The following MUC7 variants were observed in gnomAD, a reference collection of about 807,000 sequenced individuals.
MUC7 encodes mucin-7.
A neutral mutation model predicts 2.5 loss-of-function variants in MUC7; 2 were observed. That is an observed-to-expected ratio of 0.81 (90% CI 0.33 to 2.55). The LOEUF (loss-of-function observed/expected upper bound fraction) is 2.55. Ranked by LOEUF, MUC7 falls within the 30% of genes most tolerant of loss-of-function variation. The pLI is 0.11. For synonymous variants in MUC7, 133 were observed against 173.4 expected, an observed-to-expected ratio of 0.77 and a Z score of 1.83; for missense variants, 408 against 455.6, an observed-to-expected ratio of 0.90 and a Z score of 0.95.
In MUC7 at chr4:70,481,915, G is replaced by C; in HGVS notation, c.*37G>C. 1.3e-6 allele frequency: 2 copies of C among 1,589,356 alleles called. No homozygotes were observed. The highest frequency in any genetic ancestry group is 1.7e-6 in the Non-Finnish European group (2 of 1,167,938). ...TTGTAAAGTGTTCTGTCATTTACAA[G>C]ATGTGATTCATGAGTGCAGAACTAC... is the stretch of plus-strand genomic sequence containing the variant. On this transcript the variant is annotated 3_prime_UTR_variant, in exon 3 of 3. Transcript: ENST00000304887.
intron 1 of MUC7, among the ~76,000 whole-genome samples, chr4:70,440,829 G>A (rs1483543058): frequency 2.6e-5 from 4 of 151,942 alleles, no homozygotes; most frequent in African/African-American, 7.3e-5. Flanking sequence ...TGGATGAGAA[G>A]AAGGAAAATT....
At chr4:70,479,547 T>G (rs1735108318) in intron 2 of MUC7, among the ~76,000 whole-genome samples, 1 of 152,222 alleles carries the variant, frequency 6.6e-6, no homozygotes, top group South Asian at 2.1e-4. Context: ...TATCCTTGTT[T>G]GGGATGTTCT....
At position 70,460,681 on chromosome 4, in the gene MUC7, C is replaced by T. The variant is rs141543871; in HGVS notation, c.-92-11534C>T. 2.4e-3 allele frequency among the ~76,000 whole-genome samples: 363 copies of T among 152,108 alleles called. 1 individual carries two copies. The highest frequency in any genetic ancestry group is 8.4e-3 in the African/African-American group (347 of 41,484). ...CATCTTGCTTCCAGGGAGTAGTACTCCCGGTAGGATAGAGTACTGAGGACC... is the reference window on the plus strand; with the variant it reads ...CATCTTGCTTCCAGGGAGTAGTACTTCCGGTAGGATAGAGTACTGAGGACC... On this transcript the variant is annotated intron_variant, in intron 1 of 3. Transcript: ENST00000413702.
intron 1 of MUC7, among the ~76,000 whole-genome samples, chr4:70,450,811 G>A (rs929876241): frequency 6.6e-6 from 1 of 152,252 alleles, no homozygotes. Context: ...TGGCTGAACT[G>A]GGTGCCTAGA....
At chr4:70,449,327 AG>A (rs1010512132) in intron 1 of MUC7, among the ~76,000 whole-genome samples, 3 of 152,182 alleles carry the variant, frequency 2.0e-5, no homozygotes, top group African/African-American at 7.2e-5. Context: ...GGAAAGCAAA[AG>A]GCATGTCTTA....
intron 1 of MUC7, among the ~76,000 whole-genome samples, chr4:70,465,821 T>A (rs1418733191): frequency 6.6e-6 from 1 of 152,172 alleles, no homozygotes; most frequent in Non-Finnish European, 1.5e-5. Context: ...TGAAAAATAC[T>A]TTTCAAGATA....
At chr4:70,447,809 G>T (rs1734182574) in intron 1 of MUC7, among the ~76,000 whole-genome samples, 1 of 152,094 alleles carries the variant, frequency 6.6e-6, no homozygotes, top group Admixed American at 6.6e-5. Flanking sequence ...TACTCTTTCA[G>T]TTATTTTTAA....
In MUC7 at chr4:70,481,548, C is replaced by G. The variant is rs1377905808; in HGVS notation, c.804C>G (p.Thr268=). ...TAVPPTPSAT[T]LDPSSASAPP... ...TCCCACCCACACCTTCTGCAACTAC[C>G]CTAGACCCATCATCCGCCTCAGCTC... The change falls in exon 3 of 3, where the codon ACC becomes ACG. Residue 268 remains threonine, a synonymous_variant. Transcript: ENST00000304887. 2.5e-6 allele frequency: 4 copies of G among 1,573,376 alleles called. No individual in the cohort carries two copies. The African/African-American group carries it at 6.0e-5, about 24-fold the overall frequency.
chr4:70,462,193 C>T lies in MUC7; in HGVS notation c.-92-10022C>T, dbSNP rs1319238098. ...TGCCAGTTCACTCCAGTCTGGATGA[C>T]ACACTAAAATCCTGTCTTAAAAAAA... On this transcript the variant is annotated intron_variant, in intron 1 of 3. Coordinates refer to the MUC7 transcript ENST00000413702. Among the ~76,000 whole-genome samples, 10 of 145,448 alleles carry T rather than the reference C, an allele frequency of 6.9e-5. No homozygotes were observed. The Admixed American group carries it at 7.1e-4, about 10-fold the overall frequency.
intron 1 of MUC7, among the ~76,000 whole-genome samples, 197 bp from the exon 2 acceptor site, chr4:70,473,809 CT>C (rs1156524758): frequency 7.9e-5 from 12 of 152,184 alleles, no homozygotes; most frequent in Admixed American, 6.5e-4. Context: ...TCCTCCATTG[CT>C]TCCTCTCTAA....
intron 1 of MUC7, among the ~76,000 whole-genome samples, chr4:70,442,304 C>G (rs1402470547): frequency 6.6e-6 from 1 of 151,550 alleles, no homozygotes; most frequent in Non-Finnish European, 1.5e-5. Context: ...AAAACAGAAG[C>G]AAAAAAAAGT....
chr4:70,471,667 G>A (rs947291900), upstream of MUC7, among the ~76,000 whole-genome samples: 1 of 152,074 alleles, frequency 6.6e-6, no homozygotes, highest in Admixed American at 6.6e-5. Flanking sequence ...TATTTTTCAA[G>A]ACAAAAAGTC....
At chr4:70,462,715 G>C (rs985479640) in intron 1 of MUC7, among the ~76,000 whole-genome samples, 4 of 152,172 alleles carry the variant, frequency 2.6e-5, no homozygotes, top group African/African-American at 9.7e-5. Context: ...GCTCATGCCT[G>C]TAATCCCAGA....
chr4:70,478,981 C>A (rs934328864), intron 2 of MUC7, among the ~76,000 whole-genome samples: 1 of 152,264 alleles, frequency 6.6e-6, no homozygotes, highest in Non-Finnish European at 1.5e-5. Context: ...ATTAAAATTT[C>A]CTGGACAATT....
At position 70,480,899 on chromosome 4, in the gene MUC7, T is replaced by C. The variant is rs41480646; in HGVS notation, c.155T>C (p.Leu52Pro). The change falls in exon 3 of 3, where the codon CTA (leucine) becomes CCA (proline). Residue 52 changes from leucine (L) to proline (P), a missense_variant. Transcript: ENST00000304887. The part of the protein sequence containing the change: ...HFELPHYPGL[L>P]AHQKPFIRKS... ...GAATTACCACATTATCCTGGACTGC[T>C]AGCTCACCAGAAGCCGTTCATTAGA... 37 of 1,614,170 alleles carry C rather than the reference T, an allele frequency of 2.3e-5. No homozygotes were observed. In the Admixed American group the frequency reaches 5.2e-4, roughly 23 times the overall value.
At chr4:70,480,682 A>T in intron 2 of MUC7, 117 bp from the exon 3 acceptor site, 1 of 1,037,268 alleles carries the variant, frequency 9.6e-7, no homozygotes, top group Non-Finnish European at 1.4e-6. Context: ...TCAATAATGT[A>T]CTCTGGTTTC....
chr4:70,435,856 T>C (rs1323373594), intron 1 of MUC7, among the ~76,000 whole-genome samples: 1 of 152,234 alleles, frequency 6.6e-6, no homozygotes, highest in African/African-American at 2.4e-5. Flanking sequence ...TTCCTCTCCA[T>C]GTTTAGTGCT....
intron 1 of MUC7, among the ~76,000 whole-genome samples, chr4:70,461,381 C>T (rs1465163682): frequency 6.6e-6 from 1 of 152,206 alleles, no homozygotes; most frequent in Admixed American, 6.5e-5. Context: ...AAAGGCCACA[C>T]TTTCTATATG....
rs778215723 is a variant in MUC7, at chr4:70,481,319, C to T, written c.575C>T (p.Pro192Leu). 13 of 1,612,332 alleles carry T rather than the reference C, an allele frequency of 8.1e-6. No individual in the cohort carries two copies. The highest frequency in any genetic ancestry group is 1.1e-5 in the Non-Finnish European group (13 of 1,179,290). Residue 192 changes from proline (P) to leucine (L), a missense_variant, in exon 3 of 3, where the codon CCA becomes CTA. This residue lies in a region of MUC7 where 225 missense variants were observed against 240.5 expected (regional missense o/e 0.94). Coordinates refer to ENST00000304887, the MANE Select transcript of MUC7 (RefSeq NM_152291.3). ...SSAPPETTAA[P>L]PTPSATTQAP... ...GCTCCACCAGAGACCACAGCTGCCC[C>T]ACCCACACCTTCTGCAACTACACAA...
Sources: gnomAD v4.1 joint callset for allele counts (sites outside exome capture counted in the v4.1 genomes callset) on GRCh38, gnomAD v4.1.1 for gene constraint, gnomAD v4.1.1 regional missense constraint, MANE v1.5 for transcripts, NCBI Gene and HGNC (gene_info 2026-07-23, HGNC 2026-07-21) for gene names.